The following HECW2 variants were observed in gnomAD, a reference collection of about 807,000 sequenced individuals.
The protein encoded by HECW2 is HECT, C2 and WW domain containing E3 ubiquitin protein ligase 2.
Under a neutral mutation model 175.2 loss-of-function variants are expected in HECW2, and 61 were observed. The ratio of observed to expected loss-of-function variants is 0.35; its 90% CI spans 0.28 to 0.43. The LOEUF (loss-of-function observed/expected upper bound fraction) is 0.43, where lower values mean the gene tolerates loss of function less well. Ranked by LOEUF, HECW2 falls within the 20% of genes least tolerant of loss-of-function variation. The pLI is 1.00. For synonymous variants in HECW2, 671 were observed against 731.0 expected (o/e 0.92, Z 1.32); for missense variants, 1,524 against 2,000.5 (o/e 0.76, Z 4.54).
At chr2:196,576,679 A>G (rs1690573576) in intron 1 of HECW2, among the ~76,000 whole-genome samples, 1 of 152,194 alleles carries the variant, frequency 6.6e-6, no homozygotes. Flanking sequence ...GTATACTTCA[A>G]ATTTGCTAAG....
At chr2:196,401,731 C>T (rs1448045712) in intron 2 of HECW2, among the ~76,000 whole-genome samples, 1 of 152,142 alleles carries the variant, frequency 6.6e-6, no homozygotes, top group Non-Finnish European at 1.5e-5. Context: ...TTAAAATGAA[C>T]ATTTAAAGAG....
At chr2:196,536,849 G>A (rs1689037969) in intron 1 of HECW2, among the ~76,000 whole-genome samples, 1 of 152,182 alleles carries the variant, frequency 6.6e-6, no homozygotes, top group Admixed American at 6.5e-5. Flanking sequence ...TTTGATGGCT[G>A]CATTGGTGGT....
chr2:196,439,802 G>A (rs1423959191), intron 1 of HECW2, among the ~76,000 whole-genome samples: 1 of 152,176 alleles, frequency 6.6e-6, no homozygotes, highest in South Asian at 2.1e-4. Flanking sequence ...GAGAGTTTAT[G>A]CAGGGCTGAT....
intron 1 of HECW2, among the ~76,000 whole-genome samples, chr2:196,436,107 C>A (rs1695862621): frequency 6.6e-6 from 1 of 152,120 alleles, no homozygotes; most frequent in African/African-American, 2.4e-5. Flanking sequence ...AAGAGCCATT[C>A]CCTGGTCTTC....
At chr2:196,369,133 A>G (rs956162586) in intron 2 of HECW2, among the ~76,000 whole-genome samples, 1 of 152,020 alleles carries the variant, frequency 6.6e-6, no homozygotes, top group Non-Finnish European at 1.5e-5. Context: ...GGTATTCCAG[A>G]TATTTAAGGG....
chr2:196,367,971 AGATACATATATAT>A (rs1693795085), intron 2 of HECW2, among the ~76,000 whole-genome samples: 1 of 151,034 alleles, frequency 6.6e-6, no homozygotes, highest in African/African-American at 2.4e-5. Flanking sequence ...TACATATATG[AGATACATATATAT>A]GATACATATA....
chr2:196,563,727 G>C (rs573656647), intron 1 of HECW2, among the ~76,000 whole-genome samples: 1 of 152,264 alleles, frequency 6.6e-6, no homozygotes, highest in African/African-American at 2.4e-5. Context: ...TGATCATCAA[G>C]TATTAAATAT....
chr2:196,545,866 C>A (rs1463295847), intron 1 of HECW2, among the ~76,000 whole-genome samples: 1 of 152,188 alleles, frequency 6.6e-6, no homozygotes, highest in Non-Finnish European at 1.5e-5. Flanking sequence ...CCCAAGAGAA[C>A]TCAATTCCTC....
intron 2 of HECW2, among the ~76,000 whole-genome samples, chr2:196,415,414 G>A (rs1695227503): frequency 6.6e-6 from 1 of 152,190 alleles, no homozygotes; most frequent in Admixed American, 6.5e-5. Flanking sequence ...TTGAAAGTGA[G>A]TAGCATATTT....
At chr2:196,412,342 T>C (rs1418384574) in intron 2 of HECW2, among the ~76,000 whole-genome samples, 3 of 152,232 alleles carry the variant, frequency 2.0e-5, no homozygotes, top group Non-Finnish European at 4.4e-5. Flanking sequence ...AACAGTCATA[T>C]TGAATTAAGG....
At chr2:196,497,189 A>G (rs138971699) in intron 1 of HECW2, among the ~76,000 whole-genome samples, 2 of 152,326 alleles carry the variant, frequency 1.3e-5, no homozygotes, top group African/African-American at 4.8e-5. Flanking sequence ...AAATGTTTAG[A>G]CCAAGTCATC....
chr2:196,529,246 A>G (rs1260578600), intron 1 of HECW2, among the ~76,000 whole-genome samples: 1 of 152,242 alleles, frequency 6.6e-6, no homozygotes, highest in African/African-American at 2.4e-5. Flanking sequence ...GATATTTTGG[A>G]AGGGGAATAT....
intron 1 of HECW2, among the ~76,000 whole-genome samples, chr2:196,482,809 G>A (rs1169934904): frequency 1.3e-5 from 2 of 152,134 alleles, no homozygotes; most frequent in East Asian, 1.9e-4. Context: ...AGCAACCACA[G>A]AGCACTGAGC....
chr2:196,399,123 G>T (rs1389315349), intron 2 of HECW2, among the ~76,000 whole-genome samples: 5 of 152,106 alleles, frequency 3.3e-5, no homozygotes, highest in African/African-American at 1.2e-4. Context: ...CTTCTCTTGG[G>T]TATGGTTCTC....
intron 1 of HECW2, among the ~76,000 whole-genome samples, chr2:196,451,010 T>C (rs570686139): frequency 1.3e-5 from 2 of 152,194 alleles, no homozygotes; most frequent in Admixed American, 1.3e-4. Flanking sequence ...TCCCATAAAA[T>C]TTAGACAGAT....
chr2:196,285,718 G>A (rs904318640), intron 14 of HECW2, among the ~76,000 whole-genome samples: 5 of 152,192 alleles, frequency 3.3e-5, no homozygotes, highest in African/African-American at 1.2e-4. Context: ...TAGTGGAGAT[G>A]AAAAGGGCTG....
chr2:196,465,196 T>C (rs1470415635), intron 1 of HECW2, among the ~76,000 whole-genome samples: 2 of 152,186 alleles, frequency 1.3e-5, no homozygotes, highest in Admixed American at 6.5e-5. Flanking sequence ...TATTTGGCAG[T>C]AATTTTTTTA....
At chr2:196,286,324 G>GA (rs916561506) in intron 14 of HECW2, among the ~76,000 whole-genome samples, 7 of 149,374 alleles carry the variant, frequency 4.7e-5, no homozygotes, top group African/African-American at 1.5e-4. Flanking sequence ...AGGTGGAGTA[G>GA]AAGTGCATTA....
intron 2 of HECW2, among the ~76,000 whole-genome samples, chr2:196,402,754 G>A (rs1158291640): frequency 6.7e-6 from 1 of 150,248 alleles, no homozygotes; most frequent in Non-Finnish European, 1.5e-5. Context: ...TGTGAATATT[G>A]TAAATCAAAT....
Sources: gnomAD v4.1 joint callset for allele counts (sites outside exome capture counted in the v4.1 genomes callset) on GRCh38, gnomAD v4.1.1 for gene constraint, MANE v1.5 for transcripts, NCBI Gene and HGNC (gene_info 2026-07-23, HGNC 2026-07-21) for gene names.